The following TAFA1 variants were observed in gnomAD, a reference collection of about 807,000 sequenced individuals.
TAFA1 encodes chemokine-like protein TAFA-1.
In TAFA1, 4 loss-of-function variants were observed where a neutral mutation model predicts 18.5. The observed-to-expected ratio is 0.22, with a 90% confidence interval of 0.11 to 0.49. The LOEUF (loss-of-function observed/expected upper bound fraction) is 0.49, where lower values mean the gene tolerates loss of function less well. Ranked by LOEUF, TAFA1 falls within the 20% of genes least tolerant of loss-of-function variation. The probability of loss-of-function intolerance (pLI) is 0.98; values close to 1 mark genes in which losing one functional copy is unlikely to be tolerated. For missense variants in TAFA1, 147 were observed against 169.0 expected, an observed-to-expected ratio of 0.87 and a Z score of 0.72; for synonymous variants, 56 against 55.2, an observed-to-expected ratio of 1.01 and a Z score of -0.06.
chr3:68,353,225 A>T (rs1314870061), intron 2 of TAFA1, among the ~76,000 whole-genome samples: 2 of 152,084 alleles, frequency 1.3e-5, no homozygotes, highest in Non-Finnish European at 2.9e-5. Context: ...CCAAGCACCA[A>T]GCACTAGTAG....
intron 2 of TAFA1, among the ~76,000 whole-genome samples, chr3:68,209,956 A>AT (rs1443623081): frequency 6.6e-6 from 1 of 151,700 alleles, no homozygotes; most frequent in African/African-American, 2.4e-5. Context: ...ATCACTTTTA[A>AT]TTTTTTTTCC....
rs528487177 is a variant in TAFA1 at position 68,525,271 on chromosome 3, A to G, written c.260-13485A>G. ...ATGTTTGTTGGCAGTTGGCAGATTCATTCTGGTTTAGCGGGTTTGATATTA... is the reference window on the plus strand; with the variant it reads ...ATGTTTGTTGGCAGTTGGCAGATTCGTTCTGGTTTAGCGGGTTTGATATTA... On this transcript the variant is annotated intron_variant, in intron 3 of 4. Coordinates refer to ENST00000478136, the MANE Select transcript of TAFA1 (RefSeq NM_213609.4). Among the ~76,000 whole-genome samples, 3 of 152,284 alleles carry G rather than the reference A, an allele frequency of 2.0e-5. No homozygotes were observed. The South Asian group carries it at 6.2e-4, about 32-fold the overall frequency.
At chr3:68,366,987 C>T (rs183213508) in intron 2 of TAFA1, among the ~76,000 whole-genome samples, 8 of 152,308 alleles carry the variant, frequency 5.3e-5, no homozygotes, top group Admixed American at 1.3e-4. Context: ...AACTGACTGT[C>T]CTTACCCCCC....
At chr3:68,287,271 A>G (rs1339609272) in intron 2 of TAFA1, among the ~76,000 whole-genome samples, 2 of 152,176 alleles carry the variant, frequency 1.3e-5, no homozygotes, top group African/African-American at 2.4e-5. Context: ...GACTCCCATT[A>G]TCGCCCTATT....
At chr3:68,516,807 C>T (rs2072927034) in intron 3 of TAFA1, among the ~76,000 whole-genome samples, 1 of 152,042 alleles carries the variant, frequency 6.6e-6, no homozygotes, top group Admixed American at 6.6e-5. Flanking sequence ...TGGAGTCTTG[C>T]TCTGTCACCC....
intron 2 of TAFA1, among the ~76,000 whole-genome samples, chr3:68,350,030 CTA>C (rs2069237640): frequency 6.6e-6 from 1 of 152,148 alleles, no homozygotes; most frequent in African/African-American, 2.4e-5. Context: ...AATTTAGACT[CTA>C]TAACTCTGAT....
At chr3:68,456,412 A>G (rs1245737628) in intron 3 of TAFA1, among the ~76,000 whole-genome samples, 2 of 152,160 alleles carry the variant, frequency 1.3e-5, no homozygotes, top group Non-Finnish European at 2.9e-5. Flanking sequence ...CTCTTCAGGC[A>G]GATGCTCTTT....
intron 2 of TAFA1, among the ~76,000 whole-genome samples, chr3:68,045,761 A>G (rs1418364632): frequency 1.3e-5 from 2 of 152,154 alleles, no homozygotes; most frequent in African/African-American, 2.4e-5. Context: ...CTGTGACTAG[A>G]TGATTTCTTT....
chr3:68,285,094 A>G (rs1257692681), intron 2 of TAFA1, among the ~76,000 whole-genome samples: 4 of 152,222 alleles, frequency 2.6e-5, no homozygotes. Context: ...CATGTAAAAA[A>G]CAAACAAACA....
intron 2 of TAFA1, among the ~76,000 whole-genome samples, chr3:68,314,933 TATTA>T (rs2068583158): frequency 6.7e-6 from 1 of 148,792 alleles, no homozygotes; most frequent in South Asian, 2.1e-4. Flanking sequence ...TTATATATAA[TATTA>T]ATATTTATCA....
At chr3:68,050,378 A>G (rs575357827) in intron 2 of TAFA1, among the ~76,000 whole-genome samples, 1 of 152,272 alleles carries the variant, frequency 6.6e-6, no homozygotes, top group African/African-American at 2.4e-5. Context: ...GTTTGCATCC[A>G]ATGTGCTCAT....
intron 3 of TAFA1, among the ~76,000 whole-genome samples, chr3:68,498,873 C>A (rs1393508236): frequency 1.3e-5 from 2 of 151,432 alleles, no homozygotes; most frequent in Non-Finnish European, 2.9e-5. Context: ...TCTTCAGGGA[C>A]TTTCATGAGT....
rs375754994 is a variant in TAFA1, at chr3:68,543,616, A to T, written c.385-870A>T. 2.2e-4 allele frequency among the ~76,000 whole-genome samples: 33 copies of T among 152,220 alleles called. No individual in the cohort carries two copies. The South Asian group carries it at 2.3e-3, about 11-fold the overall frequency. On this transcript the variant is annotated intron_variant, in intron 4 of 4. Coordinates refer to ENST00000478136, the MANE Select transcript of TAFA1 (RefSeq NM_213609.4). ...CTCTAAAATCCTTAAATGGACTTCT[A>T]CCTCTAGCCTCAGAACACTCAACTT...
At position 68,021,691 on chromosome 3, in the gene TAFA1, A is replaced by AAT. The variant is rs1329914871; in HGVS notation, c.118+14947_118+14948insAT. Among the ~76,000 whole-genome samples the AAT allele has an allele frequency of 9.2e-5, 14 of 152,328 alleles. No individual in the cohort carries two copies. The East Asian group carries it at 2.7e-3, about 29-fold the overall frequency. ...GTGTGTACTATTTTGAGCTCTAGCA[A>AAT]GAAAGAAAAGAAGAAGGAAAAAAAG... On this transcript the variant is annotated intron_variant, in intron 2 of 4. Transcript: ENST00000478136.
chr3:68,312,861 C>T (rs2068543639), intron 2 of TAFA1, among the ~76,000 whole-genome samples: 1 of 152,114 alleles, frequency 6.6e-6, no homozygotes, highest in East Asian at 1.9e-4. Flanking sequence ...TGAAGACATA[C>T]CTGAGACTAG....
chr3:68,324,678 C>G (rs1041882191), intron 2 of TAFA1, among the ~76,000 whole-genome samples: 3 of 152,038 alleles, frequency 2.0e-5, no homozygotes, highest in African/African-American at 7.2e-5. Context: ...ATTTGGGAGG[C>G]TAAGAATTAA....
chr3:68,333,831 A>G (rs2068923380), intron 2 of TAFA1, among the ~76,000 whole-genome samples: 1 of 152,206 alleles, frequency 6.6e-6, no homozygotes, highest in East Asian at 1.9e-4. Flanking sequence ...CTTACAAAAG[A>G]AGGAAATTCT....
At chr3:68,363,407 T>G (rs1210256956) in intron 2 of TAFA1, among the ~76,000 whole-genome samples, 3 of 152,152 alleles carry the variant, frequency 2.0e-5, no homozygotes, top group African/African-American at 7.2e-5. Flanking sequence ...ATTTAGTCTT[T>G]GGAGCAAATC....
chr3:68,271,889 C>T (rs986410294), intron 2 of TAFA1, among the ~76,000 whole-genome samples: 10 of 151,866 alleles, frequency 6.6e-5, no homozygotes. Context: ...GTTTATTCAC[C>T]TCAGAAGCAG....
Sources: allele counts gnomAD v4.1 joint callset (sites outside exome capture counted in the v4.1 genomes callset), GRCh38; gene constraint gnomAD v4.1.1; transcripts MANE v1.5; gene names NCBI Gene and HGNC (gene_info 2026-07-23, HGNC 2026-07-21).